Variants in SEMA3E observed in about 807,000 individuals in gnomAD.
The protein encoded by SEMA3E is semaphorin-3E.
In SEMA3E, 49 loss-of-function variants were observed where a neutral mutation model predicts 93.6. The observed-to-expected ratio is 0.52, with a 90% CI of 0.42 to 0.66. The LOEUF is 0.66. SEMA3E is among the 30% of genes least tolerant of loss of function. The pLI is 0.00. For missense variants in SEMA3E, 906 were observed against 964.8 expected (o/e 0.94, Z 0.81); for synonymous variants, 363 against 330.7 (o/e 1.10, Z -1.06).
rs184634864 is a variant in SEMA3E at position 83,639,807 on chromosome 7, C to G, written c.115+8621G>C. ...TACTGTAGATTCAAAAATTGTAAGT[C>G]TATACCCTTTCCACTACAGCATACT... is the stretch of plus-strand genomic sequence containing the variant. On this transcript the variant is annotated intron_variant, in intron 1 of 16. Transcript: ENST00000643230. Among the ~76,000 whole-genome samples the G allele has an allele frequency of 3.3e-5, 5 of 151,740 alleles. No homozygotes were observed. The East Asian group carries it at 7.8e-4, about 24-fold the overall frequency.
rs1446304907 is a variant in SEMA3E at position 83,572,856 on chromosome 7, T to C, written c.115+75572A>G. Among the ~76,000 whole-genome samples the C allele has an allele frequency of 4.6e-5, 7 of 152,068 alleles. No individual in the cohort carries two copies. The East Asian group carries it at 1.4e-3, about 29-fold the overall frequency. ...AAAACTGGACATCTATTTTTTATCA[T>C]ATACAAGAATTAACTCAAGATAGAT... On this transcript the variant is annotated intron_variant, in intron 1 of 16. Coordinates refer to ENST00000643230, the MANE Select transcript of SEMA3E (RefSeq NM_012431.3).
intron 1 of SEMA3E, among the ~76,000 whole-genome samples, chr7:83,502,092 A>C (rs531226091): frequency 5.9e-5 from 9 of 152,288 alleles, no homozygotes; most frequent in East Asian, 1.9e-4. Context: ...TCCACTCAGT[A>C]AATGGTTCTT....
chr7:83,365,996 A>G lies in SEMA3E; in HGVS notation c.*1590T>C, dbSNP rs1354786327. Reference sequence around the variant, plus strand: ...CAAGTGGAATTTTCAGAGGATGTCAATTTTCAGTATATTTGCATTTCTTAG... The same window carrying G: ...CAAGTGGAATTTTCAGAGGATGTCAGTTTTCAGTATATTTGCATTTCTTAG... On this transcript the variant is annotated 3_prime_UTR_variant, in exon 17 of 17. Coordinates refer to ENST00000643230, the MANE Select transcript of SEMA3E (RefSeq NM_012431.3). 2.0e-5 allele frequency: 3 copies of G among 152,060 alleles called. No individual in the cohort carries two copies. The highest frequency in any genetic ancestry group is 4.4e-5 in the Non-Finnish European group (3 of 67,960). The allele number at this position is 152,060 out of a possible 1,614,324, so 9.4% of individuals were successfully genotyped here.
At chr7:83,420,408 C>T (rs1391156296) in intron 4 of SEMA3E, among the ~76,000 whole-genome samples, 1 of 151,978 alleles carries the variant, frequency 6.6e-6, no homozygotes, top group East Asian at 1.9e-4. Flanking sequence ...CATTGCTATC[C>T]CTATCAAACT....
intron 1 of SEMA3E, among the ~76,000 whole-genome samples, chr7:83,536,890 G>C (rs1330131869): frequency 1.3e-5 from 2 of 152,006 alleles, no homozygotes; most frequent in African/African-American, 2.4e-5. Context: ...CACAAATTTT[G>C]TATGTTGACA....
chr7:83,406,986 C>CTAT (rs1227664112), intron 7 of SEMA3E, 111 bp downstream of exon 7: 16 of 1,241,754 alleles, frequency 1.3e-5, no homozygotes, highest in Non-Finnish European at 1.7e-5. Flanking sequence ...CAATTGTAGG[C>CTAT]AGTCTAAAGA....
intron 1 of SEMA3E, among the ~76,000 whole-genome samples, chr7:83,620,194 A>T (rs1397769712): frequency 6.6e-6 from 1 of 152,004 alleles, no homozygotes; most frequent in Non-Finnish European, 1.5e-5. Flanking sequence ...CTAAAAAAAA[A>T]TACAAATGAT....
chr7:83,428,042 T>C (rs964571588), intron 4 of SEMA3E, among the ~76,000 whole-genome samples: 8 of 152,216 alleles, frequency 5.3e-5, no homozygotes, highest in African/African-American at 1.7e-4. Context: ...ACCACTAATG[T>C]GGGCAGATAC....
intron 1 of SEMA3E, among the ~76,000 whole-genome samples, chr7:83,586,493 G>A (rs900742687): frequency 1.3e-5 from 2 of 151,856 alleles, no homozygotes; most frequent in Non-Finnish European, 2.9e-5. Context: ...TCAGATCTCA[G>A]ATGGGTCTGG....
At chr7:83,618,826 T>C (rs1248443770) in intron 1 of SEMA3E, among the ~76,000 whole-genome samples, 4 of 151,952 alleles carry the variant, frequency 2.6e-5, no homozygotes, top group African/African-American at 9.7e-5. Flanking sequence ...TGCATGCATA[T>C]ATATTTTCTC....
chr7:83,594,496 T>A (rs913947851), intron 1 of SEMA3E, among the ~76,000 whole-genome samples: 1 of 152,080 alleles, frequency 6.6e-6, no homozygotes, highest in Non-Finnish European at 1.5e-5. Context: ...ACCTACTGGG[T>A]CTCCCCCAGA....
intron 1 of SEMA3E, among the ~76,000 whole-genome samples, chr7:83,507,289 A>T (rs941699629): frequency 1.3e-5 from 2 of 152,152 alleles, no homozygotes; most frequent in Non-Finnish European, 1.5e-5. Context: ...GATTAAGAAG[A>T]GGGAGCCTCC....
chr7:83,643,864 A>G (rs1794045620), intron 1 of SEMA3E, among the ~76,000 whole-genome samples: 2 of 151,602 alleles, frequency 1.3e-5, no homozygotes, highest in African/African-American at 4.8e-5. Context: ...CTATTTAATC[A>G]CTCTGCTTAT....
intron 2 of SEMA3E, among the ~76,000 whole-genome samples, chr7:83,470,384 G>A (rs528237102): frequency 6.6e-6 from 1 of 151,674 alleles, no homozygotes; most frequent in South Asian, 2.1e-4. Flanking sequence ...ACTCCTTTTG[G>A]TCCCCTTTTT....
intron 5 of SEMA3E, among the ~76,000 whole-genome samples, chr7:83,413,720 T>C (rs1266572820): frequency 1.3e-5 from 2 of 152,188 alleles, no homozygotes; most frequent in Non-Finnish European, 2.9e-5. Flanking sequence ...GGGAAGATGA[T>C]TAGCACTAGC....
At chr7:83,538,302 C>T (rs948558717) in intron 1 of SEMA3E, among the ~76,000 whole-genome samples, 2 of 152,130 alleles carry the variant, frequency 1.3e-5, no homozygotes, top group Non-Finnish European at 2.9e-5. Flanking sequence ...ATTTTACATT[C>T]CCACCAGCAG....
intron 1 of SEMA3E, among the ~76,000 whole-genome samples, chr7:83,540,214 A>C (rs1791492670): frequency 6.6e-6 from 1 of 152,182 alleles, no homozygotes; most frequent in Non-Finnish European, 1.5e-5. Context: ...TTGTAGAACA[A>C]ATACAATTAG....
chr7:83,584,595 C>G (rs982896055), intron 1 of SEMA3E, among the ~76,000 whole-genome samples: 2 of 152,136 alleles, frequency 1.3e-5, no homozygotes, highest in African/African-American at 4.8e-5. Context: ...ACGTTCCAAA[C>G]AGTTCAGGCA....
At chr7:83,440,404 T>C (rs946135827) in intron 4 of SEMA3E, among the ~76,000 whole-genome samples, 1 of 152,172 alleles carries the variant, frequency 6.6e-6, no homozygotes, top group Non-Finnish European at 1.5e-5. Flanking sequence ...GAGTTCACAT[T>C]AGGGACATTT....
Sources: gnomAD v4.1 joint callset for allele counts (sites outside exome capture counted in the v4.1 genomes callset) on GRCh38, gnomAD v4.1.1 for gene constraint, MANE v1.5 for transcripts, NCBI Gene and HGNC (gene_info 2026-07-23, HGNC 2026-07-21) for gene names.